SMAD3: variants seen among roughly 807,000 people sequenced by gnomAD.
The protein encoded by SMAD3 is MAD homolog 3.
A neutral mutation model predicts 51.8 loss-of-function variants in SMAD3; 12 were observed. That is an observed-to-expected ratio of 0.23 (90% CI 0.15 to 0.38). SMAD3 has a LOEUF of 0.38. SMAD3 is among the 10% of genes least tolerant of loss of function. The pLI is 1.00. For synonymous variants in SMAD3, 238 were observed against 227.7 expected (o/e 1.05, Z -0.41); for missense variants, 294 against 565.6 (o/e 0.52, Z 4.87).
chr15:67,169,557 C>G (rs1377562333), intron 4 of SMAD3, among the ~76,000 whole-genome samples: 1 of 151,940 alleles, frequency 6.6e-6, no homozygotes, highest in African/African-American at 2.4e-5. Flanking sequence ...AAACACAGCT[C>G]GCTGCAGCCT....
chr15:67,079,764 C>T (rs1595888235), intron 1 of SMAD3, among the ~76,000 whole-genome samples: 1 of 152,166 alleles, frequency 6.6e-6, no homozygotes, highest in South Asian at 2.1e-4. Context: ...ACTCTGGTCT[C>T]TGGTTCCTAG....
intron 1 of SMAD3, among the ~76,000 whole-genome samples, chr15:67,102,922 C>T (rs1188534577): frequency 6.6e-6 from 1 of 152,136 alleles, no homozygotes; most frequent in Non-Finnish European, 1.5e-5. Context: ...CATTACGTTT[C>T]CTGGGATGCT....
At chr15:67,090,119 AG>A (rs1185635335) in intron 1 of SMAD3, among the ~76,000 whole-genome samples, 1 of 152,188 alleles carries the variant, frequency 6.6e-6, no homozygotes, top group Admixed American at 6.5e-5. Flanking sequence ...GGGTGGTGAC[AG>A]GTGGCACTGG....
At chr15:67,149,727 C>T (rs941282824) in intron 1 of SMAD3, among the ~76,000 whole-genome samples, 2 of 152,082 alleles carry the variant, frequency 1.3e-5, no homozygotes, top group African/African-American at 4.8e-5. Context: ...CTTAACTGTC[C>T]TCAGGGTACA....
intron 1 of SMAD3, chr15:67,137,865 T>C (rs868379552): frequency 2.0e-4 from 117 of 592,734 alleles, no homozygotes; most frequent in Non-Finnish European, 2.6e-4. Context: ...TGCAAAGTAC[T>C]GTCCTCCCTT....
At chr15:67,098,480 G>T (rs956302254) in intron 1 of SMAD3, 2 of 234,788 alleles carry the variant, frequency 8.5e-6, no homozygotes, top group African/African-American at 4.4e-5. Flanking sequence ...ATGAATGTCA[G>T]ATGTTAGGAA....
At chr15:67,121,014 A>C (rs1961247329) in intron 1 of SMAD3, among the ~76,000 whole-genome samples, 1 of 152,198 alleles carries the variant, frequency 6.6e-6, no homozygotes, top group African/African-American at 2.4e-5. Context: ...AAGGACCTTG[A>C]ATCCCCATCT....
chr15:67,167,051 G>A (rs1450536370), intron 4 of SMAD3, among the ~76,000 whole-genome samples, 198 bp downstream of exon 4: 1 of 152,210 alleles, frequency 6.6e-6, no homozygotes, highest in Non-Finnish European at 1.5e-5. Context: ...GAGATTGACA[G>A]GACAGTCAGT....
In SMAD3 at chr15:67,193,857, G is replaced by A. The variant is rs969427614; in HGVS notation, c.*3321G>A. ...TTCCAGGCTAAATGCTTTTACTCAA[G>A]ACTACAGAAAGGTTTGAAGTAGTGT... is the stretch of plus-strand genomic sequence containing the variant. On this transcript the variant is annotated 3_prime_UTR_variant, in exon 9 of 9. Coordinates refer to ENST00000327367, the MANE Select transcript of SMAD3 (RefSeq NM_005902.4). The A allele has an allele frequency of 2.1e-5, 5 of 233,278 alleles. No individual in the cohort carries two copies. Among genetic ancestry groups the A allele is most frequent in the African/African-American group, 1.1e-4 (5 of 45,414 alleles). The allele number at this position is 233,278 out of a possible 1,614,324, so 14.5% of individuals were successfully genotyped here.
intron 8 of SMAD3, 97 bp downstream of exon 8, chr15:67,187,606 C>A: frequency 6.7e-7 from 1 of 1,484,808 alleles, no homozygotes; most frequent in Non-Finnish European, 9.4e-7. Flanking sequence ...TAGGCCAGCC[C>A]TAGCGTCAAG....
At chr15:67,107,442 A>G (rs948119818) in intron 1 of SMAD3, among the ~76,000 whole-genome samples, 1 of 152,084 alleles carries the variant, frequency 6.6e-6, no homozygotes, top group African/African-American at 2.4e-5. Context: ...GTGCCAGACA[A>G]GGGGAGAGCC....
chr15:67,117,145 G>A (rs921859496), intron 1 of SMAD3, among the ~76,000 whole-genome samples: 5 of 152,128 alleles, frequency 3.3e-5, no homozygotes, highest in African/African-American at 9.7e-5. Context: ...CACGGCTGGC[G>A]TGTTTCGTGG....
chr15:67,142,269 G>A (rs540538286), intron 1 of SMAD3, among the ~76,000 whole-genome samples: 9 of 133,532 alleles, frequency 6.7e-5, no homozygotes, highest in Admixed American at 2.7e-4. Flanking sequence ...TTTTTCCCCC[G>A]TACACTTGGC....
At chr15:67,166,398 C>A in intron 3 of SMAD3, 1 of 399,682 alleles carries the variant, frequency 2.5e-6, no homozygotes, top group Non-Finnish European at 4.7e-6. Flanking sequence ...AAGGGTGGGT[C>A]TGAGCCTGCA....
intron 5 of SMAD3, among the ~76,000 whole-genome samples, chr15:67,177,078 T>C (rs1962919345): frequency 6.6e-6 from 1 of 152,172 alleles, no homozygotes; most frequent in Non-Finnish European, 1.5e-5. Context: ...GATCTTAATT[T>C]GCTTGCTTGC....
intron 1 of SMAD3, among the ~76,000 whole-genome samples, chr15:67,102,279 G>T (rs1236169825): frequency 2.0e-5 from 3 of 151,908 alleles, no homozygotes; most frequent in Non-Finnish European, 4.4e-5. Context: ...CGGTGTGTGT[G>T]TGCATGCTCG....
intron 5 of SMAD3, among the ~76,000 whole-genome samples, chr15:67,179,393 C>T (rs1270866300): frequency 6.6e-6 from 1 of 152,118 alleles, no homozygotes; most frequent in East Asian, 1.9e-4. Context: ...TGCTAAACAT[C>T]CTGCAATCTG....
intron 1 of SMAD3, among the ~76,000 whole-genome samples, chr15:67,072,879 C>G (rs570689968): frequency 6.6e-6 from 1 of 151,700 alleles, no homozygotes; most frequent in East Asian, 1.9e-4. Flanking sequence ...TTACTGTGTT[C>G]TAAGCTTTAG....
At chr15:67,138,051 A>T in intron 1 of SMAD3, 2 of 1,551,774 alleles carry the variant, frequency 1.3e-6, no homozygotes, top group Non-Finnish European at 1.7e-6. Context: ...CCCTAGGCAA[A>T]CGTGGAAAGG....
Sources: allele counts gnomAD v4.1 joint callset (sites outside exome capture counted in the v4.1 genomes callset), GRCh38; gene constraint gnomAD v4.1.1; transcripts MANE v1.5; gene names NCBI Gene and HGNC (gene_info 2026-07-23, HGNC 2026-07-21).